The following ATOSA variants were observed in gnomAD, a reference collection of about 807,000 sequenced individuals.
The protein encoded by ATOSA is atos homolog protein A.
chr15:52,684,018 CT>C, the ATOSA span, among the ~76,000 whole-genome samples: 66 of 152,298 alleles, frequency 4.3e-4, 4 homozygotes, highest in South Asian at 0.013. Flanking sequence ...TTCCTTTTAT[CT>C]TTTAAGGGCA....
At chr15:52,616,383 AG>A in the ATOSA span, among the ~76,000 whole-genome samples, 1 of 152,232 alleles carries the variant, frequency 6.6e-6, no homozygotes, top group Non-Finnish European at 1.5e-5. Context: ...GATCACATAG[AG>A]CAAGATTTTA....
chr15:52,582,650 C>T, the ATOSA span, among the ~76,000 whole-genome samples: 1 of 152,172 alleles, frequency 6.6e-6, no homozygotes, highest in Non-Finnish European at 1.5e-5. Context: ...GCAGTTCACT[C>T]ACATTACTCA....
chr15:52,582,270 TA>T, the ATOSA span: 1 of 1,595,252 alleles, frequency 6.3e-7, no homozygotes, highest in Non-Finnish European at 8.5e-7. Context: ...CGTACGTCTC[TA>T]TGGAGGTAGA....
the ATOSA span, chr15:52,584,737 A>G: frequency 1.9e-6 from 3 of 1,602,618 alleles, no homozygotes; most frequent in Non-Finnish European, 2.6e-6. Flanking sequence ...ATTAATTTGA[A>G]GCATTACCTC....
At chr15:52,638,044 A>G in the ATOSA span, among the ~76,000 whole-genome samples, 8 of 152,216 alleles carry the variant, frequency 5.3e-5, no homozygotes, top group African/African-American at 1.9e-4. Context: ...TTCTGATCTC[A>G]GTAAGAAAAT....
the ATOSA span, chr15:52,611,142 T>G: frequency 6.2e-7 from 1 of 1,613,488 alleles, no homozygotes; most frequent in Non-Finnish European, 8.5e-7. Context: ...GTAGAGAATA[T>G]TTCGTGGAAT....
At chr15:52,635,230 G>C in the ATOSA span, among the ~76,000 whole-genome samples, 1 of 152,100 alleles carries the variant, frequency 6.6e-6, no homozygotes, top group Admixed American at 6.5e-5. Flanking sequence ...TTTTTCAATA[G>C]TAATCAATAG....
At chr15:52,617,268 C>T in the ATOSA span, among the ~76,000 whole-genome samples, 4 of 152,222 alleles carry the variant, frequency 2.6e-5, no homozygotes, top group East Asian at 1.9e-4. Flanking sequence ...CATGTGTCTC[C>T]TTCTTGCTTT....
At chr15:52,659,082 C>T in the ATOSA span, among the ~76,000 whole-genome samples, 3 of 152,172 alleles carry the variant, frequency 2.0e-5, no homozygotes, top group East Asian at 3.9e-4. Flanking sequence ...AGCTCCCCTA[C>T]CCCCAACCCC....
At chr15:52,638,268 C>T in the ATOSA span, among the ~76,000 whole-genome samples, 4 of 152,194 alleles carry the variant, frequency 2.6e-5, no homozygotes, top group Non-Finnish European at 4.4e-5. Context: ...GAGTTTGCCA[C>T]TTTTCAAATT....
chr15:52,698,041 G>T, the ATOSA span, among the ~76,000 whole-genome samples: 1 of 131,024 alleles, frequency 7.6e-6, no homozygotes, highest in Non-Finnish European at 1.5e-5. Flanking sequence ...CTGTGGCAAG[G>T]TCTCGGCTTA....
At chr15:52,652,172 G>T in the ATOSA span, 1 of 875,540 alleles carries the variant, frequency 1.1e-6, no homozygotes, top group Non-Finnish European at 1.5e-6. Flanking sequence ...TGGCAGCACT[G>T]TCATGTTTTC....
chr15:52,593,747 AAAT>A, the ATOSA span: 1 of 1,518,628 alleles, frequency 6.6e-7, no homozygotes, highest in South Asian at 1.3e-5. Context: ...CTGGAAGACA[AAAT>A]AATTTTAAAA....
the ATOSA span, among the ~76,000 whole-genome samples, chr15:52,591,765 A>AT: frequency 6.6e-6 from 1 of 152,128 alleles, no homozygotes. Context: ...ATTAGCAGTT[A>AT]TTTTTTCAAA....
At chr15:52,682,267 T>C in the ATOSA span, among the ~76,000 whole-genome samples, 1 of 151,728 alleles carries the variant, frequency 6.6e-6, no homozygotes, top group East Asian at 1.9e-4. Context: ...TGGGTTGAAA[T>C]GTGTTCTCCC....
At chr15:52,635,713 A>C in the ATOSA span, among the ~76,000 whole-genome samples, 2 of 151,606 alleles carry the variant, frequency 1.3e-5, no homozygotes, top group African/African-American at 4.8e-5. Context: ...ATAAATCAAA[A>C]TCGGCCAGGC....
the ATOSA span, among the ~76,000 whole-genome samples, chr15:52,648,045 C>T: frequency 6.6e-6 from 1 of 152,240 alleles, no homozygotes; most frequent in Non-Finnish European, 1.5e-5. Context: ...AAAAACTATG[C>T]TTAAAATTCT....
chr15:52,650,187 T>A, the ATOSA span, among the ~76,000 whole-genome samples: 1 of 152,184 alleles, frequency 6.6e-6, no homozygotes, highest in East Asian at 1.9e-4. Flanking sequence ...CAAACTTGAG[T>A]CCTCTCTGCC....
At chr15:52,610,183 T>C in the ATOSA span, 2 of 1,613,998 alleles carry the variant, frequency 1.2e-6, no homozygotes, top group Non-Finnish European at 1.7e-6. Flanking sequence ...AGTTTTAAGT[T>C]TATGTTGTTG....
Sources: gnomAD v4.1 joint callset for allele counts (sites outside exome capture counted in the v4.1 genomes callset) on GRCh38, gnomAD v4.1.1 for gene constraint, MANE v1.5 for transcripts, NCBI Gene and HGNC (gene_info 2026-07-23, HGNC 2026-07-21) for gene names.